Variants in FBN1 observed in about 807,000 individuals in gnomAD.
FBN1 encodes fibrillin-1.
FBN1 carries 29 observed loss-of-function variants against 365.1 expected under a neutral mutation model. The ratio of observed to expected loss-of-function variants is 0.08; its 90% CI spans 0.06 to 0.11. The LOEUF (loss-of-function observed/expected upper bound fraction) is 0.11, where lower values mean the gene tolerates loss of function less well. FBN1 is among the 10% of genes least tolerant of loss of function. FBN1 has a pLI of 1.00. For missense variants in FBN1, 2,476 were observed against 3,703.2 expected (o/e 0.67, Z 8.60); for synonymous variants, 1,210 against 1,270.5 (o/e 0.95, Z 1.01).
At chr15:48,551,601 A>C (rs1299107740) in intron 6 of FBN1, among the ~76,000 whole-genome samples, 1 of 151,684 alleles carries the variant, frequency 6.6e-6, no homozygotes, top group East Asian at 1.9e-4. Context: ...TTCGTTGTGC[A>C]GATTATTTCA....
intron 3 of FBN1, among the ~76,000 whole-genome samples, chr15:48,611,347 G>T (rs1158015968): frequency 6.6e-6 from 1 of 152,066 alleles, no homozygotes; most frequent in East Asian, 1.9e-4. Flanking sequence ...TGCAAGCTCC[G>T]TCTCCCAGGT....
At chr15:48,578,536 G>A (rs1490524944) in intron 6 of FBN1, among the ~76,000 whole-genome samples, 1 of 152,050 alleles carries the variant, frequency 6.6e-6, no homozygotes, top group Non-Finnish European at 1.5e-5. Flanking sequence ...CCCAGTAATG[G>A]GATGGCTGGG....
At chr15:48,453,814 AC>A (rs2043219950) in intron 44 of FBN1, among the ~76,000 whole-genome samples, 1 of 152,104 alleles carries the variant, frequency 6.6e-6, no homozygotes, top group Non-Finnish European at 1.5e-5. Flanking sequence ...CTAAAACTGC[AC>A]TAGAAAATAA....
Position 48,456,640 on chromosome 15 carries a change from C to G in FBN1, c.5419G>C (p.Glu1807Gln). The G allele has an allele frequency of 6.2e-7, 1 of 1,613,748 alleles. No individual in the cohort carries two copies. The highest frequency in any genetic ancestry group is 1.1e-5 in the South Asian group (1 of 91,080). ...FFYNDKLLVCEDIDECQNGPV... is the reference protein window; with the variant it reads ...FFYNDKLLVCQDIDECQNGPV... ...ATAAAGTCATGATGCCACTTACCTTCACAAACCAACAACTTGTCATTATAG... is the reference window on the plus strand; with the variant it reads ...ATAAAGTCATGATGCCACTTACCTTGACAAACCAACAACTTGTCATTATAG... The change falls in exon 44 of 66, where the codon GAA (glutamate) becomes CAA (glutamine). Residue 1807 changes from glutamate (E) to glutamine (Q), a missense_variant. Glu to Gln is a conservative substitution (Grantham distance 29). Around this residue, in one of 5 missense-constraint regions of FBN1, gnomAD observed 1,780 missense variants for 2,840.8 expected, o/e 0.63. Coordinates refer to ENST00000316623, the MANE Select transcript of FBN1 (RefSeq NM_000138.5).
At chr15:48,570,681 T>G (rs890107337) in intron 6 of FBN1, among the ~76,000 whole-genome samples, 3 of 152,204 alleles carry the variant, frequency 2.0e-5, no homozygotes. Context: ...AGTTATTGAT[T>G]GAATCACTTG....
intron 2 of FBN1, among the ~76,000 whole-genome samples, chr15:48,627,384 T>C (rs1889904627): frequency 6.6e-6 from 1 of 152,192 alleles, no homozygotes; most frequent in Admixed American, 6.5e-5. Context: ...AAAACATTAG[T>C]CAGCTCTTAA....
chr15:48,534,202 A>C lies in FBN1; in HGVS notation c.740T>G (p.Val247Gly), dbSNP rs749264206. 1 of 1,613,010 alleles carries C rather than the reference A, an allele frequency of 6.2e-7. No individual in the cohort carries two copies. The highest frequency in any genetic ancestry group is 1.7e-5 in the Admixed American group (1 of 59,972). Reference sequence around the variant, plus strand: ...CCCGGGGATGGCCTGGCATTCATCCACATCTGTCAGATTACAGAAGACAGA... The same window carrying C: ...CCCGGGGATGGCCTGGCATTCATCCCCATCTGTCAGATTACAGAAGACAGA... ...PNIRTGACQD[V>G]DECQAIPGLC... The change falls in exon 8 of 66, where the codon GTG becomes GGG. Residue 247 changes from valine to glycine, a missense_variant. Coordinates refer to ENST00000316623, the MANE Select transcript of FBN1 (RefSeq NM_000138.5).
At chr15:48,595,316 T>C (rs1381335725) in intron 6 of FBN1, among the ~76,000 whole-genome samples, 1 of 152,234 alleles carries the variant, frequency 6.6e-6, no homozygotes, top group Non-Finnish European at 1.5e-5. Context: ...ACTTTCCATC[T>C]TAGAATAAGA....
At chr15:48,446,254 A>G (rs1053988706) in intron 47 of FBN1, among the ~76,000 whole-genome samples, 5 of 152,164 alleles carry the variant, frequency 3.3e-5, no homozygotes, top group African/African-American at 1.2e-4. Flanking sequence ...CTGCTACCCA[A>G]AAATAGGTGA....
At chr15:48,633,407 T>C (rs1231063272) in intron 2 of FBN1, among the ~76,000 whole-genome samples, 1 of 152,204 alleles carries the variant, frequency 6.6e-6, no homozygotes, top group African/African-American at 2.4e-5. Context: ...CCTTAGTTGA[T>C]CCCAGGTCAT....
At chr15:48,621,534 G>T (rs1429789930) in intron 2 of FBN1, among the ~76,000 whole-genome samples, 1 of 152,106 alleles carries the variant, frequency 6.6e-6, no homozygotes, top group Non-Finnish European at 1.5e-5. Flanking sequence ...ATTAAAACAA[G>T]GAAAGTCTGA....
intron 47 of FBN1, 93 bp from the exon 48 acceptor site, chr15:48,445,597 CTGAA>C: frequency 6.8e-7 from 1 of 1,467,368 alleles, no homozygotes; most frequent in Non-Finnish European, 9.5e-7. Flanking sequence ...AATACTTTTT[CTGAA>C]TTTTAGTGGC....
At chr15:48,540,938 A>T in intron 6 of FBN1, among the ~76,000 whole-genome samples, 1 of 152,124 alleles carries the variant, frequency 6.6e-6, no homozygotes, top group East Asian at 1.9e-4. Context: ...CTATGGAATT[A>T]TCTTATATAT....
At chr15:48,567,488 C>A (rs1257085659) in intron 6 of FBN1, among the ~76,000 whole-genome samples, 2 of 152,032 alleles carry the variant, frequency 1.3e-5, no homozygotes, top group Non-Finnish European at 2.9e-5. Flanking sequence ...TACCCTGATA[C>A]CAAAGCCAGA....
intron 6 of FBN1, among the ~76,000 whole-genome samples, chr15:48,546,030 G>A (rs1043015136): frequency 6.6e-6 from 1 of 151,918 alleles, no homozygotes; most frequent in Non-Finnish European, 1.5e-5. Context: ...AAGAAAGAAA[G>A]AAATTCCACA....
chr15:48,630,643 G>A (rs532692872), intron 2 of FBN1, among the ~76,000 whole-genome samples: 2 of 150,030 alleles, frequency 1.3e-5, no homozygotes, highest in African/African-American at 2.4e-5. Flanking sequence ...CCAGGAAGTC[G>A]GTAGAGCACA....
At chr15:48,531,554 C>T (rs2043973384) in intron 8 of FBN1, among the ~76,000 whole-genome samples, 2 of 152,176 alleles carry the variant, frequency 1.3e-5, no homozygotes. Flanking sequence ...GGGCACAGAA[C>T]CCCATGGTTA....
chr15:48,412,323 T>C (rs2042870072), intron 65 of FBN1, among the ~76,000 whole-genome samples: 1 of 152,196 alleles, frequency 6.6e-6, no homozygotes, highest in Non-Finnish European at 1.5e-5. Flanking sequence ...ATTTGACTTT[T>C]TTTTGGCGAG....
intron 4 of FBN1, among the ~76,000 whole-genome samples, chr15:48,602,055 G>C (rs140664258): frequency 6.6e-6 from 1 of 151,928 alleles, no homozygotes; most frequent in African/African-American, 2.4e-5. Flanking sequence ...CAAAACACCC[G>C]GCACTTTCCT....
Sources: gnomAD v4.1 joint callset for allele counts (sites outside exome capture counted in the v4.1 genomes callset) on GRCh38, gnomAD v4.1.1 for gene constraint, gnomAD v4.1.1 regional missense constraint, MANE v1.5 for transcripts, NCBI Gene and HGNC (gene_info 2026-07-23, HGNC 2026-07-21) for gene names.